The following BCAN variants were observed in gnomAD, a reference collection of about 807,000 sequenced individuals.
The protein encoded by BCAN is brevican core protein.
A neutral mutation model predicts 92.4 loss-of-function variants in BCAN; 51 were observed. The ratio of observed to expected loss-of-function variants is 0.55; its 90% CI spans 0.44 to 0.70. BCAN has a LOEUF of 0.70. Among genes scored for constraint, BCAN ranks in the 30% least tolerant of loss-of-function variants. BCAN has a pLI of 0.00. For synonymous variants in BCAN, 501 were observed against 505.2 expected (o/e 0.99, Z 0.11); for missense variants, 1,140 against 1,212.1 (o/e 0.94, Z 0.88).
At position 156,656,491 on chromosome 1, in the gene BCAN, A is replaced by G. The variant is rs187112357; in HGVS notation, c.2050+102A>G. On this transcript the variant is annotated intron_variant, in intron 9 of 13. Transcript: ENST00000329117. ...GAACATTGGTTTTGGCCTTGTCATTAATGAGTCCCTGTTTTAGGCAAGTTG... is the reference window on the plus strand; with the variant it reads ...GAACATTGGTTTTGGCCTTGTCATTGATGAGTCCCTGTTTTAGGCAAGTTG... The G allele has an allele frequency of 1.0e-3, 947 of 918,324 alleles. 24 individuals carry two copies. In the Admixed American group the frequency reaches 0.027, roughly 26 times the overall value. 56.9% of individuals were successfully genotyped at this position (918,324 alleles called of 1,614,324 possible).
rs535641022 is a variant in BCAN at position 156,651,702 on chromosome 1, C to A, written c.1297+13C>A. 9.4e-6 allele frequency: 15 copies of A among 1,589,890 alleles called. 1 individual carries two copies. The highest frequency in any genetic ancestry group is 5.2e-5 in the Admixed American group (3 of 57,294). ...AGGACGCTCCTAGGTAAGTCGGATC[C>A]CTTATCCTAAGGATGTCTTGATTGA... On this transcript the variant is annotated intron_variant, in intron 7 of 13. Transcript: ENST00000329117.
chr1:156,645,747 A>G (rs184950663), intron 1 of BCAN, among the ~76,000 whole-genome samples: 1 of 152,328 alleles, frequency 6.6e-6, no homozygotes, highest in East Asian at 1.9e-4. Context: ...ACATGGTCCT[A>G]TCTCAACTCA....
In BCAN at chr1:156,646,891, A is replaced by G; in HGVS notation, c.182A>G (p.Tyr61Cys). The change falls in exon 3 of 14, where the codon TAC (tyrosine) becomes TGC (cysteine). Residue 61 changes from tyrosine (Y) to cysteine (C), a missense_variant. Coordinates refer to ENST00000329117, the MANE Select transcript of BCAN (RefSeq NM_021948.5). ...CTCACCATCCCTTGCCACGTCCACT[A>G]CCTGCGGCCACCGCCGAGCCGCCGG... ...GALTIPCHVH[Y>C]LRPPPSRRAV... is the part of the protein sequence containing the mutation. 6.2e-7 allele frequency: 1 copy of G among 1,610,416 alleles called. No individual in the cohort carries two copies.
In BCAN at chr1:156,658,583, G is replaced by A. The variant is rs1423566139; in HGVS notation, c.2478G>A (p.Val826=). The change falls in exon 13 of 14, where the codon GTG becomes GTA. Residue 826 remains valine (V), a synonymous_variant. Transcript: ENST00000329117. This position sits in a 1 kb window ranked among gnomAD's most constrained non-coding sequence, Gnocchi z 4.4. The stretch of plus-strand genomic sequence containing the variant: ...CACCGGAGCTGCCCCTGGCTCAAGT[G>A]TTCGGCCGCCCACGGCTGCGCTATG... ...GPPPELPLAQ[V]FGRPRLRYEV... is the part of the protein sequence containing the mutation. The A allele has an allele frequency of 3.7e-6, 6 of 1,614,024 alleles. 1 individual carries two copies. The highest frequency in any genetic ancestry group is 3.3e-4 in the Middle Eastern group (2 of 6,058).
chr1:156,657,573 G>T, intron 10 of BCAN, 102 bp from the exon 11 acceptor site: 2 of 892,384 alleles, frequency 2.2e-6, no homozygotes, highest in Non-Finnish European at 3.4e-6. Context: ...GTGCTGGATC[G>T]CGGGGAAGGG....
chr1:156,646,850 C>T lies in BCAN; in HGVS notation c.141C>T (p.Gly47=), dbSNP rs746195648. The change falls in exon 3 of 14, where the codon GGC becomes GGT. Residue 47 remains glycine (G), a synonymous_variant. Coordinates refer to ENST00000329117, the MANE Select transcript of BCAN (RefSeq NM_021948.5). The stretch of plus-strand genomic sequence containing the variant: ...TCGCGGGCGACGCGCCACTGCAGGG[C>T]GTGCTCGGCGGCGCCCTCACCATCC... ...VRIAGDAPLQ[G]VLGGALTIPC... The T allele has an allele frequency of 1.2e-6, 2 of 1,603,818 alleles. No homozygotes were observed. The highest frequency in any genetic ancestry group is 4.5e-5 in the East Asian group (2 of 44,636).
rs929342171 is a variant in BCAN, at chr1:156,658,190, G to A, written c.2356G>A (p.Val786Ile). ...SYFLSGENCV[V>I]MVWHDQGQWS... ...CTTCCTGTCTGGAGAGAACTGCGTG[G>A]TCATGGTGTGGCATGATCAGGGACA... Residue 786 changes from valine to isoleucine, a missense_variant, in exon 12 of 14, where the codon GTC becomes ATC. Physicochemically the swap from Val to Ile is conservative, Grantham distance 29. Coordinates refer to ENST00000329117, the MANE Select transcript of BCAN (RefSeq NM_021948.5). The surrounding 1 kb of genome is among the most constrained non-coding windows in gnomAD (Gnocchi z 4.4). 5.0e-6 allele frequency: 8 copies of A among 1,613,936 alleles called. No homozygotes were observed. The highest frequency in any genetic ancestry group is 1.1e-5 in the South Asian group (1 of 91,078).
chr1:156,648,799 T>C lies in BCAN; in HGVS notation c.1001T>C (p.Leu334Pro). 1 of 1,600,030 alleles carries C rather than the reference T, an allele frequency of 6.2e-7. No individual in the cohort carries two copies. The highest frequency in any genetic ancestry group is 8.6e-7 in the Non-Finnish European group (1 of 1,168,560). Residue 334 changes from leucine to proline, a missense_variant, in exon 6 of 14, where the codon CTC (leucine) becomes CCC (proline). This residue lies in a region of BCAN where 825 missense variants were observed against 871.8 expected (regional missense o/e 0.95). Transcript: ENST00000329117. ...GGLPGVKTLFLFPNQTGFPNK... is the reference protein window; with the variant it reads ...GGLPGVKTLFPFPNQTGFPNK... ...TTGCCTGGTGTCAAGACTCTCTTCC[T>C]CTTCCCCAACCAGACTGGCTTCCCC... is the stretch of plus-strand genomic sequence containing the variant.
At chr1:156,649,257 C>G (rs984535118) in intron 6 of BCAN, among the ~76,000 whole-genome samples, 1 of 152,186 alleles carries the variant, frequency 6.6e-6, no homozygotes, top group South Asian at 2.1e-4. Flanking sequence ...CCCTCAGGAG[C>G]CCTCTGGAGG....
intron 1 of BCAN, chr1:156,643,657 G>GAGAGAGAGAGAC (rs1371429945): frequency 6.6e-6 from 1 of 152,120 alleles, no homozygotes; most frequent in Non-Finnish European, 1.5e-5. Context: ...GAGAGAGAGA[G>GAGAGAGAGAGAC]AGAGAGAGAG....
intron 9 of BCAN, among the ~76,000 whole-genome samples, 159 bp downstream of exon 9, chr1:156,656,548 C>G (rs11582013): frequency 0.1 from 15,267 of 152,214 alleles, 1,077 homozygotes; most frequent in Non-Finnish European, 0.16. Flanking sequence ...CCTCAATTTT[C>G]TTATCTAAGT....
In BCAN at chr1:156,657,727, C is replaced by G; in HGVS notation, c.2262C>G (p.Gly754=). The change falls in exon 11 of 14, where the codon GGC becomes GGG. Residue 754 remains glycine (G), a synonymous_variant. Coordinates refer to ENST00000329117, the MANE Select transcript of BCAN (RefSeq NM_021948.5). ...WIGLNDRTIE[G]DFLWSDGVPL... ...GACTCAACGACAGGACCATCGAAGG[C>G]GACTTCTTGTGGTCGGATGGCGTCC... is the stretch of plus-strand genomic sequence containing the variant. 1 of 1,612,422 alleles carries G rather than the reference C, an allele frequency of 6.2e-7. No homozygotes were observed. Among genetic ancestry groups the G allele is most frequent in the African/African-American group, 1.3e-5 (1 of 74,890 alleles).
At position 156,652,742 on chromosome 1, in the gene BCAN, A is replaced by T; in HGVS notation, c.1792A>T (p.Thr598Ser). The change falls in exon 8 of 14, where the codon ACA becomes TCA. Residue 598 changes from threonine to serine, a missense_variant. Coordinates refer to ENST00000329117, the MANE Select transcript of BCAN (RefSeq NM_021948.5). ...GGGTGCCCCTTCCCTGCTTCCAGCC[A>T]CACGGGCCCCTGAGGGTACCAGGGA... The part of the protein sequence containing the change: ...SEGAPSLLPA[T>S]RAPEGTRELE... The T allele has an allele frequency of 6.2e-7, 1 of 1,605,826 alleles. No individual in the cohort carries two copies. Among genetic ancestry groups the T allele is most frequent in the Non-Finnish European group, 8.5e-7 (1 of 1,174,692 alleles).
At position 156,658,461 on chromosome 1, in the gene BCAN, C is replaced by G. The variant is rs748072627; in HGVS notation, c.2438-82C>G. 5.0e-5 allele frequency: 76 copies of G among 1,524,366 alleles called. No individual in the cohort carries two copies. The highest frequency in any genetic ancestry group is 6.6e-5 in the Non-Finnish European group (74 of 1,129,162). The allele number at this position is 1,524,366 out of a possible 1,614,324, so 94.4% of individuals were successfully genotyped here. On this transcript the variant is annotated intron_variant, in intron 12 of 13. Transcript: ENST00000329117. The surrounding 1 kb of genome is among the most constrained non-coding windows in gnomAD (Gnocchi z 4.4). Reference sequence around the variant, plus strand: ...CTGATCTTTTTTTGTCATGTTGTGGCCCATTTTTCTCTTCCCCATGGAGAT... The same window carrying G: ...CTGATCTTTTTTTGTCATGTTGTGGGCCATTTTTCTCTTCCCCATGGAGAT...
At position 156,658,216 on chromosome 1, in the gene BCAN, A is replaced by G. The variant is rs754688568; in HGVS notation, c.2382A>G (p.Gln794=). 8 of 1,613,998 alleles carry G rather than the reference A, an allele frequency of 5.0e-6. No individual in the cohort carries two copies. In the African/African-American group the frequency reaches 8.0e-5, roughly 16 times the overall value. The change falls in exon 12 of 14, where the codon CAA becomes CAG. Residue 794 remains glutamine, a synonymous_variant. Transcript: ENST00000329117. This position sits in a 1 kb window ranked among gnomAD's most constrained non-coding sequence, Gnocchi z 4.4. ...CVVMVWHDQG[Q]WSDVPCNYHL... is the part of the protein sequence containing the mutation. ...TCATGGTGTGGCATGATCAGGGACA[A>G]TGGAGTGACGTGCCCTGCAACTACC...
At position 156,652,781 on chromosome 1, in the gene BCAN, T is replaced by G. The variant is rs368775301; in HGVS notation, c.1831T>G (p.Ser611Ala). ...GGGTACCAGGGAGCTGGAGGCCCCCTCTGAAGATAATTCTGGAAGAACTGC... is the reference window on the plus strand; with the variant it reads ...GGGTACCAGGGAGCTGGAGGCCCCCGCTGAAGATAATTCTGGAAGAACTGC... ...PEGTRELEAP[S>A]EDNSGRTAPA... Residue 611 changes from serine (S) to alanine (A), a missense_variant, in exon 8 of 14, where the codon TCT becomes GCT. By Grantham distance (99) the Ser-to-Ala change is moderately conservative. Transcript: ENST00000329117. 1 of 1,612,070 alleles carries G rather than the reference T, an allele frequency of 6.2e-7. No homozygotes were observed. The highest frequency in any genetic ancestry group is 8.5e-7 in the Non-Finnish European group (1 of 1,178,756).
intron 2 of BCAN, chr1:156,646,538 ACT>A (rs1437234077): frequency 1.8e-6 from 1 of 560,274 alleles, no homozygotes; most frequent in Non-Finnish European, 3.0e-6. Flanking sequence ...GAAGTGGAAG[ACT>A]CTGAGAGCAG....
chr1:156,651,248 C>G (rs12064672), intron 6 of BCAN, among the ~76,000 whole-genome samples: 6,621 of 152,248 alleles, frequency 0.043, 512 homozygotes, highest in African/African-American at 0.15. Context: ...ATCCTCAGTG[C>G]CCAGGGGAAT....
chr1:156,658,424 C>A lies in BCAN; in HGVS notation c.2438-119C>A. On this transcript the variant is annotated intron_variant, in intron 12 of 13. Transcript: ENST00000329117. This position sits in a 1 kb window ranked among gnomAD's most constrained non-coding sequence, Gnocchi z 4.4. ...GGAGAGCTAACAAGTTACGTGGGTC[C>A]ACTCGGAATCCCTGATCTTTTTTTG... 2 of 1,458,996 alleles carry A rather than the reference C, an allele frequency of 1.4e-6. No homozygotes were observed. Among genetic ancestry groups the A allele is most frequent in the Non-Finnish European group, 1.8e-6 (2 of 1,084,050 alleles). The allele number at this position is 1,458,996 out of a possible 1,614,324, so 90.4% of individuals were successfully genotyped here. A position where few individuals can be genotyped will look rare whatever the true frequency, so the allele number is the denominator to read the frequency against.
Sources: gnomAD v4.1 joint callset for allele counts (sites outside exome capture counted in the v4.1 genomes callset) on GRCh38, gnomAD v4.1.1 for gene constraint, gnomAD v4.1.1 regional missense constraint, Gnocchi (gnomAD v3.1) non-coding constraint, MANE v1.5 for transcripts, NCBI Gene and HGNC (gene_info 2026-07-23, HGNC 2026-07-21) for gene names.